The following ANKRD6 variants were observed in gnomAD, a reference collection of about 807,000 sequenced individuals.
The protein encoded by ANKRD6 is ankyrin repeat domain 6.
ANKRD6 carries 56 observed loss-of-function variants against 82.3 expected under a neutral mutation model. The observed-to-expected ratio is 0.68, with a 90% CI of 0.55 to 0.85. The LOEUF is 0.85. ANKRD6 is among the 40% of genes least tolerant of loss of function. ANKRD6 has a pLI of 0.00. For missense variants in ANKRD6, 852 were observed against 907.6 expected, an observed-to-expected ratio of 0.94 and a Z score of 0.79; for synonymous variants, 347 against 352.1, an observed-to-expected ratio of 0.99 and a Z score of 0.16.
chr6:89,505,258 T>C (rs1183194380), intron 1 of ANKRD6, among the ~76,000 whole-genome samples: 1 of 152,220 alleles, frequency 6.6e-6, no homozygotes, highest in Non-Finnish European at 1.5e-5. Context: ...TGCTTAGAGA[T>C]TGAGTAGTTG....
At chr6:89,480,954 A>AAAAAAAAAAAAAC in intron 1 of ANKRD6, among the ~76,000 whole-genome samples, 1 of 149,722 alleles carries the variant, frequency 6.7e-6, no homozygotes, top group Non-Finnish European at 1.5e-5. Flanking sequence ...AAAAAAAAAA[A>AAAAAAAAAAAAAC]ATAGAAGAAG....
chr6:89,450,618 A>C (rs1772687739), intron 1 of ANKRD6, among the ~76,000 whole-genome samples: 1 of 152,094 alleles, frequency 6.6e-6, no homozygotes. Context: ...CCTGGGCTAA[A>C]ACAATCCTCC....
chr6:89,513,023 C>T (rs1780744074), intron 1 of ANKRD6, among the ~76,000 whole-genome samples: 1 of 151,884 alleles, frequency 6.6e-6, no homozygotes, highest in South Asian at 2.1e-4. Context: ...TTCCTGGGCT[C>T]AAGGGATCCT....
At chr6:89,463,826 C>G (rs1049648602) in intron 1 of ANKRD6, among the ~76,000 whole-genome samples, 2 of 152,130 alleles carry the variant, frequency 1.3e-5, no homozygotes, top group African/African-American at 4.8e-5. Context: ...GCTGGGAATA[C>G]AAGCATAAGC....
intron 1 of ANKRD6, among the ~76,000 whole-genome samples, chr6:89,523,430 T>G (rs924169002): frequency 6.6e-6 from 1 of 152,222 alleles, no homozygotes; most frequent in African/African-American, 2.4e-5. Context: ...GAGGACCTTC[T>G]GGTTCTTTTA....
intron 1 of ANKRD6, among the ~76,000 whole-genome samples, chr6:89,548,465 C>T (rs1785397369): frequency 6.6e-6 from 1 of 152,144 alleles, no homozygotes; most frequent in Non-Finnish European, 1.5e-5. Context: ...TACTTTTTGG[C>T]TGTTTGAATA....
At chr6:89,577,355 C>T (rs956766608) in intron 2 of ANKRD6, among the ~76,000 whole-genome samples, 4 of 152,128 alleles carry the variant, frequency 2.6e-5, no homozygotes, top group African/African-American at 9.6e-5. Context: ...ATGTTTGATA[C>T]TAAAACAAAA....
intron 2 of ANKRD6, among the ~76,000 whole-genome samples, chr6:89,586,803 A>T (rs1264749116): frequency 1.3e-5 from 2 of 152,180 alleles, no homozygotes; most frequent in African/African-American, 4.8e-5. Context: ...AATTCTTAAT[A>T]CCCAGTTAAG....
At chr6:89,533,904 T>C (rs973235425) in intron 1 of ANKRD6, among the ~76,000 whole-genome samples, 1 of 152,294 alleles carries the variant, frequency 6.6e-6, no homozygotes, top group Admixed American at 6.5e-5. Context: ...GACCTGGCGG[T>C]ACCTGGTCCA....
In ANKRD6 at chr6:89,624,699, A is replaced by G. The variant is rs1210444740; in HGVS notation, c.1371+8A>G. The G allele has an allele frequency of 6.2e-6, 10 of 1,603,364 alleles. No individual in the cohort carries two copies. Among genetic ancestry groups the G allele is most frequent in the Non-Finnish European group, 8.5e-6 (10 of 1,174,830 alleles). On this transcript the variant is annotated splice_region_variant and intron_variant, in intron 13 of 15. Transcript: ENST00000339746. ...AATAAGACCCAGCACCAAGTATGTC[A>G]TAAGGCCCAGCTTCCTAATTGCAAG...
At chr6:89,583,244 T>G (rs1792978439) in intron 2 of ANKRD6, among the ~76,000 whole-genome samples, 1 of 152,214 alleles carries the variant, frequency 6.6e-6, no homozygotes, top group Non-Finnish European at 1.5e-5. Context: ...CATCTGGAAG[T>G]TGTACTGCTC....
At chr6:89,552,848 A>C (rs954543401) in intron 1 of ANKRD6, among the ~76,000 whole-genome samples, 1 of 152,178 alleles carries the variant, frequency 6.6e-6, no homozygotes, top group Admixed American at 6.5e-5. Context: ...CTATGGGTGG[A>C]CTGCTTAAAT....
intron 2 of ANKRD6, among the ~76,000 whole-genome samples, chr6:89,572,202 T>G (rs1790079364): frequency 6.6e-6 from 1 of 152,268 alleles, no homozygotes; most frequent in Non-Finnish European, 1.5e-5. Flanking sequence ...TGCTTCCCAA[T>G]TTTGGTAATT....
At chr6:89,533,764 GTGTGAA>G (rs1458585295) in intron 1 of ANKRD6, among the ~76,000 whole-genome samples, 1 of 145,842 alleles carries the variant, frequency 6.9e-6, no homozygotes, top group Non-Finnish European at 1.5e-5. Flanking sequence ...GTGTGTGTGT[GTGTGAA>G]TGAATGCTTC....
At chr6:89,532,536 A>T (rs909478256) in intron 1 of ANKRD6, among the ~76,000 whole-genome samples, 1 of 152,144 alleles carries the variant, frequency 6.6e-6, no homozygotes, top group Admixed American at 6.5e-5. Context: ...GCATATCACA[A>T]TTAGAGTTCC....
At chr6:89,593,159 G>A (rs1235484887) in intron 2 of ANKRD6, among the ~76,000 whole-genome samples, 2 of 152,204 alleles carry the variant, frequency 1.3e-5, no homozygotes, top group African/African-American at 4.8e-5. Context: ...GTATTTTCCA[G>A]CTGCCCAGAA....
rs558422138 is a variant in ANKRD6, at chr6:89,628,624, G to A, written c.1486-488G>A. Reference sequence around the variant, plus strand: ...CTCTACTAAGGATACAAAAAACTTAGTCAGGCGTGGTGGTGGACACCTGTA... The same window carrying A: ...CTCTACTAAGGATACAAAAAACTTAATCAGGCGTGGTGGTGGACACCTGTA... On this transcript the variant is annotated intron_variant, in intron 14 of 15. Coordinates refer to ENST00000339746, the MANE Select transcript of ANKRD6 (RefSeq NM_001242809.2). Among the ~76,000 whole-genome samples the A allele has an allele frequency of 1.8e-4, 28 of 152,208 alleles. No homozygotes were observed. In the South Asian group the frequency reaches 5.8e-3, roughly 32 times the overall value.
At chr6:89,494,138 AG>A in intron 1 of ANKRD6, among the ~76,000 whole-genome samples, 1 of 152,114 alleles carries the variant, frequency 6.6e-6, no homozygotes, top group South Asian at 2.1e-4. Flanking sequence ...CAGCATAGCA[AG>A]ATCCCCTCTC....
intron 1 of ANKRD6, among the ~76,000 whole-genome samples, chr6:89,472,816 T>A (rs1775624402): frequency 6.6e-6 from 1 of 152,138 alleles, no homozygotes; most frequent in South Asian, 2.1e-4. Context: ...CATACGTGGC[T>A]AGGAAGAGCC....
Sources: gnomAD v4.1 joint callset for allele counts (sites outside exome capture counted in the v4.1 genomes callset) on GRCh38, gnomAD v4.1.1 for gene constraint, MANE v1.5 for transcripts, NCBI Gene and HGNC (gene_info 2026-07-23, HGNC 2026-07-21) for gene names.